ALB: variants seen among roughly 807,000 people sequenced by gnomAD.
The protein encoded by ALB is serum albumin.
Under a neutral mutation model 74.5 loss-of-function variants are expected in ALB, and 37 were observed. That is an observed-to-expected ratio of 0.50 (90% CI 0.38 to 0.65). The LOEUF (loss-of-function observed/expected upper bound fraction) is 0.65. ALB is among the 30% of genes least tolerant of loss of function. The probability of loss-of-function intolerance (pLI) is 0.00; values close to 1 mark genes in which losing one functional copy is unlikely to be tolerated. For missense variants in ALB, 685 were observed against 718.7 expected (o/e 0.95, Z 0.54); for synonymous variants, 249 against 251.6 (o/e 0.99, Z 0.10).
chr4:73,420,233 C>A lies in ALB; in HGVS notation c.1786-21C>A, dbSNP rs61020873. On this transcript the variant is annotated intron_variant, in intron 13 of 14. Transcript: ENST00000295897. Reference sequence around the variant, plus strand: ...AGTAATGCTAATATTTTCCTAACATCTGTCATGTCTTTGTGTTCAGGGTAA... The same window carrying A: ...AGTAATGCTAATATTTTCCTAACATATGTCATGTCTTTGTGTTCAGGGTAA... The A allele has an allele frequency of 6.3e-4, 1,005 of 1,607,792 alleles. 3 individuals carry two copies. The highest frequency in any genetic ancestry group is 5.5e-3 in the African/African-American group (414 of 74,842).
chr4:73,410,506 G>T, intron 6 of ALB, 97 bp downstream of exon 6: 2 of 892,102 alleles, frequency 2.2e-6, no homozygotes, highest in Non-Finnish European at 3.7e-6. Flanking sequence ...GCAAAGTGCT[G>T]TCAAATACAT....
At position 73,418,311 on chromosome 4, in the gene ALB, C is replaced by T. The variant is rs149079814; in HGVS notation, c.1652C>T (p.Thr551Ile). 34 of 1,610,478 alleles carry T rather than the reference C, an allele frequency of 2.1e-5. No homozygotes were observed. In the East Asian group the frequency reaches 5.1e-4, roughly 24 times the overall value. Residue 551 changes from threonine (T) to isoleucine (I), a missense_variant and splice_region_variant, in exon 12 of 15, where the codon ACT becomes ATT. By Grantham distance (89) the Thr-to-Ile change is moderately conservative. Coordinates refer to ENST00000295897, the MANE Select transcript of ALB (RefSeq NM_000477.7). ...SEKERQIKKQ[T>I]ALVELVKHKP... ...AAGGAGAGACAAATCAAGAAACAAA[C>T]GTGAGGAGTATTTCATTACTGCATG... is the stretch of plus-strand genomic sequence containing the variant.
At chr4:73,412,670 C>G (rs1718910534) in intron 7 of ALB, among the ~76,000 whole-genome samples, 1 of 152,134 alleles carries the variant, frequency 6.6e-6, no homozygotes, top group African/African-American at 2.4e-5. Context: ...GTCTCGAACT[C>G]CTGACCTCAG....
In ALB at chr4:73,418,132, G is replaced by A. The variant is rs769374421; in HGVS notation, c.1473G>A (p.Thr491=). 47 of 1,614,134 alleles carry A rather than the reference G, an allele frequency of 2.9e-5. No individual in the cohort carries two copies. In the South Asian group the frequency reaches 3.4e-4, roughly 12 times the overall value. Residue 491 remains threonine, a synonymous_variant, in exon 12 of 15, where the codon ACG becomes ACA. Coordinates refer to ENST00000295897, the MANE Select transcript of ALB (RefSeq NM_000477.7). The part of the protein sequence containing the change: ...LNQLCVLHEK[T]PVSDRVTKCC... ...AGTTATGTGTGTTGCATGAGAAAACGCCAGTAAGTGACAGAGTCACCAAAT... is the reference window on the plus strand; with the variant it reads ...AGTTATGTGTGTTGCATGAGAAAACACCAGTAAGTGACAGAGTCACCAAAT...
chr4:73,420,207 T>C, intron 13 of ALB, 47 bp from the exon 14 acceptor site: 1 of 1,528,100 alleles, frequency 6.5e-7, no homozygotes, highest in African/African-American at 1.4e-5. Flanking sequence ...TGTATCCTAA[T>C]AGTAATGCTA....
In ALB at chr4:73,411,981, C is replaced by T. The variant is rs544612116; in HGVS notation, c.714-15C>T. On this transcript the variant is annotated splice_polypyrimidine_tract_variant and intron_variant, in intron 6 of 14. Coordinates refer to ENST00000295897, the MANE Select transcript of ALB (RefSeq NM_000477.7). ...CGCATGATAATACCATTTTGATTGG[C>T]GATTTTCTTTTTAGGGCAGTAGCTC... 28 of 1,613,708 alleles carry T rather than the reference C, an allele frequency of 1.7e-5. No individual in the cohort carries two copies. The highest frequency in any genetic ancestry group is 2.7e-5 in the African/African-American group (2 of 74,880).
Position 73,421,119 on chromosome 4 carries a change from T to C in ALB, c.*51T>C, listed in dbSNP as rs1423761876. On this transcript the variant is annotated 3_prime_UTR_variant, in exon 15 of 15. Coordinates refer to ENST00000295897, the MANE Select transcript of ALB (RefSeq NM_000477.7). ...TACCATGAGAATAAGAGAAAGAAAATGAAGATCAAAAGCTTATTCATCTGT... is the reference window on the plus strand; with the variant it reads ...TACCATGAGAATAAGAGAAAGAAAACGAAGATCAAAAGCTTATTCATCTGT... 9 of 694,764 alleles carry C rather than the reference T, an allele frequency of 1.3e-5. No homozygotes were observed. The highest frequency in any genetic ancestry group is 2.4e-5 in the Non-Finnish European group (9 of 381,248). The allele number at this position is 694,764 out of a possible 1,614,324, so 43.0% of individuals were successfully genotyped here. A position where few individuals can be genotyped will look rare whatever the true frequency, so the allele number is the denominator to read the frequency against.
rs564389779 is a variant in ALB at position 73,412,800 on chromosome 4, G to A, written c.844-620G>A. Among the ~76,000 whole-genome samples, 7 of 152,300 alleles carry A rather than the reference G, an allele frequency of 4.6e-5. No homozygotes were observed. In the East Asian group the frequency reaches 1.4e-3, roughly 29 times the overall value. On this transcript the variant is annotated intron_variant, in intron 7 of 14. Coordinates refer to ENST00000295897, the MANE Select transcript of ALB (RefSeq NM_000477.7). ...CTTGGAGAAGGTCACTACTTGAAGA[G>A]ATTTTTGGAAATGATGTATTTTTCT... is the stretch of plus-strand genomic sequence containing the variant.
Position 73,412,241 on chromosome 4 carries a change from G to A in ALB, c.843+116G>A, listed in dbSNP as rs1313076623. The A allele has an allele frequency of 3.8e-6, 5 of 1,300,978 alleles. No individual in the cohort carries two copies. In the African/African-American group the frequency reaches 4.4e-5, roughly 11 times the overall value. The allele number at this position is 1,300,978 out of a possible 1,614,324, so 80.6% of individuals were successfully genotyped here. Reference sequence around the variant, plus strand: ...GGTTGAGATTGTCTTCTGTGCTTTCGTCTGTCCTATCTTCAATCTTTCCCT... The same window carrying A: ...GGTTGAGATTGTCTTCTGTGCTTTCATCTGTCCTATCTTCAATCTTTCCCT... On this transcript the variant is annotated intron_variant, in intron 7 of 14. Transcript: ENST00000295897.
rs1560858953 is a variant in ALB, at chr4:73,416,243, T to C, written c.1192-13T>C. On this transcript the variant is annotated splice_polypyrimidine_tract_variant and intron_variant, in intron 9 of 14. Transcript: ENST00000295897. ...AGGCATAATACTATTAACACAATTC[T>C]TTTATGTTTCAGTTCGATGAATTTA... is the stretch of plus-strand genomic sequence containing the variant. 1 of 1,606,702 alleles carries C rather than the reference T, an allele frequency of 6.2e-7. No homozygotes were observed. The highest frequency in any genetic ancestry group is 8.5e-7 in the Non-Finnish European group (1 of 1,173,636).
chr4:73,409,555 A>G, intron 5 of ALB, 68 bp downstream of exon 5: 4 of 1,602,734 alleles, frequency 2.5e-6, no homozygotes, highest in Non-Finnish European at 3.4e-6. Context: ...TTGTGGCTAG[A>G]TTTAGGGAAC....
intron 5 of ALB, 49 bp from the exon 6 acceptor site, chr4:73,410,263 T>G (rs1354738264): frequency 2.0e-6 from 3 of 1,467,804 alleles, no homozygotes; most frequent in Middle Eastern, 1.7e-4. Flanking sequence ...GAGGGGTGTT[T>G]CATGTAGAAT....
intron 7 of ALB, 36 bp from the exon 8 acceptor site, chr4:73,413,384 A>G (rs1308299627): frequency 1.9e-6 from 3 of 1,561,874 alleles, no homozygotes; most frequent in East Asian, 2.2e-5. Context: ...AGCAATGTCA[A>G]TTCGTGTTGA....
chr4:73,420,388 C>A, intron 14 of ALB, 67 bp downstream of exon 14: 1 of 1,125,672 alleles, frequency 8.9e-7, no homozygotes, highest in Non-Finnish European at 1.3e-6. Flanking sequence ...CAAAGATTGA[C>A]CATTTCCAAG....
intron 7 of ALB, among the ~76,000 whole-genome samples, chr4:73,413,098 C>T (rs748225235): frequency 7.9e-5 from 12 of 152,040 alleles, no homozygotes; most frequent in Non-Finnish European, 1.8e-4. Flanking sequence ...AAAAGGCCTG[C>T]ACTTAATTTT....
chr4:73,417,200 T>A (rs950890071), intron 10 of ALB, among the ~76,000 whole-genome samples: 2 of 152,212 alleles, frequency 1.3e-5, no homozygotes, highest in African/African-American at 2.4e-5. Context: ...TCTACTTGTA[T>A]CTTTCAAGTT....
intron 5 of ALB, among the ~76,000 whole-genome samples, chr4:73,409,921 CT>C (rs1432290457): frequency 6.6e-6 from 1 of 151,920 alleles, no homozygotes. Context: ...TTATGGAATG[CT>C]TTATTTTCTT....
intron 14 of ALB, chr4:73,420,718 T>C: frequency 3.7e-6 from 1 of 273,248 alleles, no homozygotes; most frequent in East Asian, 8.1e-5. Flanking sequence ...GAGTGCTTTA[T>C]AGGGCAAAAA....
chr4:73,404,772 T>A (rs1457962782), intron 1 of ALB: 1 of 346,538 alleles, frequency 2.9e-6, no homozygotes, highest in Non-Finnish European at 5.3e-6. Flanking sequence ...GTGCTGTTGA[T>A]CTCATAAATA....
Sources: allele counts gnomAD v4.1 joint callset (sites outside exome capture counted in the v4.1 genomes callset), GRCh38; gene constraint gnomAD v4.1.1; transcripts MANE v1.5; gene names NCBI Gene and HGNC (gene_info 2026-07-23, HGNC 2026-07-21).